The following FAT1 variants were observed in gnomAD, a reference collection of about 807,000 sequenced individuals.
FAT1 encodes the protein FAT atypical cadherin 1.
A neutral mutation model predicts 329.8 loss-of-function variants in FAT1; 171 were observed. That is an observed-to-expected ratio of 0.52 (90% CI 0.46 to 0.59). The LOEUF (loss-of-function observed/expected upper bound fraction) is 0.59, where lower values mean the gene tolerates loss of function less well. Among genes scored for constraint, FAT1 ranks in the 20% least tolerant of loss-of-function variants. The pLI is 0.00. For synonymous variants in FAT1, 2,233 were observed against 2,228.6 expected (o/e 1.00, Z -0.06); for missense variants, 5,672 against 5,774.4 (o/e 0.98, Z 0.57).
Position 186,619,500 on chromosome 4 carries a change from T to A in FAT1, c.7086A>T (p.Ala2362=), listed in dbSNP as rs3796647. Residue 2362 remains alanine, a synonymous_variant, in exon 10 of 27, where the codon GCA becomes GCT. Coordinates refer to ENST00000441802, the MANE Select transcript of FAT1 (RefSeq NM_005245.4). The part of the protein sequence containing the change: ...QSRQHTIFVR[A]VDGGMPTLSS... ...TCAGCGTGGGCATACCACCATCAAC[T>A]GCCCTCACAAAAATCGTGTGCTGCC... 0.042 allele frequency: 67,550 copies of A among 1,613,936 alleles called. 3,116 individuals carry two copies. Among genetic ancestry groups the A allele is most frequent in the Admixed American group, 0.2 (12,028 of 60,006 alleles).
rs1351156198 is a variant in FAT1 at position 186,663,517 on chromosome 4, G to A, written c.3362C>T (p.Ser1121Leu). The A allele has an allele frequency of 3.7e-6, 6 of 1,613,874 alleles. No individual in the cohort carries two copies. The highest frequency in any genetic ancestry group is 4.2e-6 in the Non-Finnish European group (5 of 1,179,880). ...AACCTCTATGTAGATCTCTATGAAC[G>A]ATGAAAGAGGCACGACACCCTGATC... The part of the protein sequence containing the change: ...ATDQGVVPLS[S>L]FIEIYIEVED... The change falls in exon 3 of 27, where the codon TCG (serine) becomes TTG (leucine). Residue 1121 changes from serine (S) to leucine (L), a missense_variant. Physicochemically the swap from Ser to Leu is moderately radical, Grantham distance 145. This residue lies in a region of FAT1 where 3,966 missense variants were observed against 3,915.2 expected (regional missense o/e 1.01). Coordinates refer to ENST00000441802, the MANE Select transcript of FAT1 (RefSeq NM_005245.4).
chr4:186,603,594 C>G lies in FAT1; in HGVS notation c.10932G>C (p.Ala3644=). The G allele has an allele frequency of 6.2e-7, 1 of 1,613,990 alleles. No homozygotes were observed. Among genetic ancestry groups the G allele is most frequent in the South Asian group, 1.1e-5 (1 of 91,082 alleles). The part of the protein sequence containing the change: ...VTQEMLNHTI[A]IRFANLTPEE... ...CCGGAGTGAGGTTGGCAAAGCGGAT[C>G]GCGATGGTGTGGTTCAACATCTCCT... The change falls in exon 19 of 27, where the codon GCG becomes GCC. Residue 3644 remains alanine (A), a synonymous_variant. Transcript: ENST00000441802.
chr4:186,636,207 T>C lies in FAT1; in HGVS notation c.4001A>G (p.Gln1334Arg), dbSNP rs957246178. Reference sequence around the variant, plus strand: ...ATGGAGTCTGGTGGTTGATGACTTTTGAGGGCGACCATTGTCAACTGCCTT... The same window carrying C: ...ATGGAGTCTGGTGGTTGATGACTTTCGAGGGCGACCATTGTCAACTGCCTT... ...SIKAVDNGRPQKSSTTRLHIE... is the reference protein window; with the variant it reads ...SIKAVDNGRPRKSSTTRLHIE... Residue 1334 changes from glutamine to arginine, a missense_variant, in exon 6 of 27, where the codon CAA (glutamine) becomes CGA (arginine). Transcript: ENST00000441802. 6.2e-7 allele frequency: 1 copy of C among 1,613,946 alleles called. No individual in the cohort carries two copies. Among genetic ancestry groups the C allele is most frequent in the African/African-American group, 1.3e-5 (1 of 74,940 alleles).
chr4:186,614,323 G>A lies in FAT1; in HGVS notation c.9097C>T (p.Pro3033Ser). 6.4e-7 allele frequency: 1 copy of A among 1,569,454 alleles called. No homozygotes were observed. Reference sequence around the variant, plus strand: ...AATTTTCCAGGAAGGACGTCTTCAGGAATAGTGTCTGAATATAAAGTCTGC... The same window carrying A: ...AATTTTCCAGGAAGGACGTCTTCAGAAATAGTGTCTGAATATAAAGTCTGC... ...CEKTLYSDTI[P>S]EDVLPGKLIM... The change falls in exon 12 of 27, where the codon CCT (proline) becomes TCT (serine). Residue 3033 changes from proline (P) to serine (S), a missense_variant. Pro to Ser is a moderately conservative substitution (Grantham distance 74, BLOSUM62 -1). This residue lies in a region of FAT1 where 3,966 missense variants were observed against 3,915.2 expected (regional missense o/e 1.01). Transcript: ENST00000441802.
chr4:186,699,393 G>C (rs757922888), intron 2 of FAT1, among the ~76,000 whole-genome samples: 5 of 152,330 alleles, frequency 3.3e-5, no homozygotes, highest in Non-Finnish European at 7.3e-5. Flanking sequence ...CGGAGGCCTA[G>C]CAATGGACCG....
At chr4:186,711,693 G>A (rs546002907) in intron 1 of FAT1, among the ~76,000 whole-genome samples, 8 of 152,210 alleles carry the variant, frequency 5.3e-5, no homozygotes, top group Admixed American at 1.3e-4. Flanking sequence ...CAATGCAGCC[G>A]GATCCCTTGA....
Position 186,588,029 on chromosome 4 carries a change from CT to C in FAT1, c.*562del. 4.6e-6 allele frequency: 1 copy of C among 217,484 alleles called. No homozygotes were observed. The highest frequency in any genetic ancestry group is 2.2e-5 in the African/African-American group (1 of 44,460). 13.5% of individuals were successfully genotyped at this position (217,484 alleles called of 1,614,324 possible). A position where few individuals can be genotyped will look rare whatever the true frequency, so the allele number is the denominator to read the frequency against. The stretch of plus-strand genomic sequence containing the variant: ...GACATGTTCATGTATCTGATCTCTC[CT>C]TCATCCTATGTACAGCTAGAAATGA... On this transcript the variant is annotated 3_prime_UTR_variant, in exon 27 of 27. Coordinates refer to ENST00000441802, the MANE Select transcript of FAT1 (RefSeq NM_005245.4).
intron 2 of FAT1, among the ~76,000 whole-genome samples, chr4:186,677,493 T>G (rs1039138124): frequency 6.7e-5 from 10 of 149,340 alleles, no homozygotes; most frequent in African/African-American, 2.5e-4. Flanking sequence ...AATTCAGGGT[T>G]TTTTTTTTTA....
chr4:186,603,048 G>A lies in FAT1; in HGVS notation c.11351-14C>T, dbSNP rs2126423482. The A allele has an allele frequency of 6.2e-7, 1 of 1,613,748 alleles. No homozygotes were observed. Among genetic ancestry groups the A allele is most frequent in the Non-Finnish European group, 8.5e-7 (1 of 1,179,778 alleles). On this transcript the variant is annotated splice_polypyrimidine_tract_variant and intron_variant, in intron 19 of 26. Transcript: ENST00000441802. ...GGCACCTTCCCTCTTCATTCAAAGA[G>A]GGGAGAAAGGGAAAAGATAATTAAC...
At chr4:186,695,786 C>CACACAA (rs1252854906) in intron 2 of FAT1, among the ~76,000 whole-genome samples, 1 of 151,630 alleles carries the variant, frequency 6.6e-6, no homozygotes, top group Non-Finnish European at 1.5e-5. Context: ...CACACACACA[C>CACACAA]ACACACACAC....
chr4:186,704,857 C>G (rs1744494334), intron 2 of FAT1, among the ~76,000 whole-genome samples: 1 of 151,982 alleles, frequency 6.6e-6, no homozygotes, highest in Non-Finnish European at 1.5e-5. Context: ...AATACATAGG[C>G]CATATGCTAG....
upstream of FAT1, among the ~76,000 whole-genome samples, chr4:186,724,067 C>T (rs1027093362): frequency 8.8e-4 from 133 of 150,894 alleles, no homozygotes; most frequent in African/African-American, 3.1e-3. This position sits in a 1 kb window ranked among gnomAD's most constrained non-coding sequence, Gnocchi z 5.3. Context: ...GGGTCTAGCG[C>T]GGCTCCGAGG....
chr4:186,654,618 TTACTC>T (rs1421111200), intron 3 of FAT1, among the ~76,000 whole-genome samples: 1 of 152,128 alleles, frequency 6.6e-6, no homozygotes. Flanking sequence ...CATGAAATTT[TTACTC>T]TACAGGTTGG....
rs1257352464 is a variant in FAT1 at position 186,588,697 on chromosome 4, T to A, written c.13662A>T (p.Glu4554Asp). Residue 4554 changes from glutamate (E) to aspartate (D), a missense_variant, in exon 27 of 27, where the codon GAA becomes GAT. Physicochemically the swap from Glu to Asp is conservative, Grantham distance 45. Coordinates refer to ENST00000441802, the MANE Select transcript of FAT1 (RefSeq NM_005245.4). ...CACTCATCATGACCTCGGACTCCAC[T>A]TCGCAGCAGGCTGACACGTCAGAGC... ...ASCSDVSACCEVESEVMMSDY... is the reference protein window; with the variant it reads ...ASCSDVSACCDVESEVMMSDY... 1 of 1,613,950 alleles carries A rather than the reference T, an allele frequency of 6.2e-7. No individual in the cohort carries two copies. The highest frequency in any genetic ancestry group is 2.2e-5 in the East Asian group (1 of 44,874).
At position 186,640,509 on chromosome 4, in the gene FAT1, T is replaced by C. The variant is rs1483670477; in HGVS notation, c.3581-726A>G. Among the ~76,000 whole-genome samples, 4 of 152,328 alleles carry C rather than the reference T, an allele frequency of 2.6e-5. No homozygotes were observed. In the South Asian group the frequency reaches 6.2e-4, roughly 24 times the overall value. On this transcript the variant is annotated intron_variant, in intron 3 of 26. Coordinates refer to ENST00000441802, the MANE Select transcript of FAT1 (RefSeq NM_005245.4). Reference sequence around the variant, plus strand: ...TCTATAACTATATTAATAAGGACTATTGAAAATAAAGTGTTAACTCTAATT... The same window carrying C: ...TCTATAACTATATTAATAAGGACTACTGAAAATAAAGTGTTAACTCTAATT...
At chr4:186,717,006 A>G (rs1256714530) in intron 1 of FAT1, among the ~76,000 whole-genome samples, 1 of 152,148 alleles carries the variant, frequency 6.6e-6, no homozygotes, top group Admixed American at 6.5e-5. Context: ...GCTGCAAGTC[A>G]TCCACCCACC....
In FAT1 at chr4:186,621,655, C is replaced by T. The variant is rs1298303430; in HGVS notation, c.4931G>A (p.Ser1644Asn). ...DLMVKATDKGSPPMSEITSVR... is the reference protein window; with the variant it reads ...DLMVKATDKGNPPMSEITSVR... ...AGAAGTTATTTCACTCATTGGTGGACTGCCCTTATCTGTAGCTTTTACCAT... is the reference window on the plus strand; with the variant it reads ...AGAAGTTATTTCACTCATTGGTGGATTGCCCTTATCTGTAGCTTTTACCAT... Residue 1644 changes from serine to asparagine, a missense_variant, in exon 10 of 27, where the codon AGT (serine) becomes AAT (asparagine). Ser to Asn is a conservative substitution (Grantham distance 46). Transcript: ENST00000441802. 6.2e-7 allele frequency: 1 copy of T among 1,613,870 alleles called. No homozygotes were observed. The highest frequency in any genetic ancestry group is 8.5e-7 in the Non-Finnish European group (1 of 1,179,892).
intron 7 of FAT1, 37 bp downstream of exon 7, chr4:186,633,647 C>T: frequency 1.2e-6 from 2 of 1,612,420 alleles, no homozygotes; most frequent in Non-Finnish European, 1.7e-6. Context: ...TTATCTCCAT[C>T]CTCCTCTGAC....
Position 186,608,044 on chromosome 4 carries a change from T to A in FAT1, c.10206+1139A>T, listed in dbSNP as rs375314426. ...AAACCACATTCATTAGCCTCTCCCATCCCTTACACGTTTATACCTCATAAC... is the reference window on the plus strand; with the variant it reads ...AAACCACATTCATTAGCCTCTCCCAACCCTTACACGTTTATACCTCATAAC... On this transcript the variant is annotated intron_variant, in intron 16 of 26. Coordinates refer to ENST00000441802, the MANE Select transcript of FAT1 (RefSeq NM_005245.4). 1.8e-4 allele frequency among the ~76,000 whole-genome samples: 28 copies of A among 152,320 alleles called. No homozygotes were observed. In the East Asian group the frequency reaches 4.8e-3, roughly 26 times the overall value.
Sources: allele counts gnomAD v4.1 joint callset (sites outside exome capture counted in the v4.1 genomes callset), GRCh38; gene constraint gnomAD v4.1.1; regional missense constraint gnomAD v4.1.1; non-coding constraint Gnocchi (gnomAD v3.1); transcripts MANE v1.5; gene names NCBI Gene and HGNC (gene_info 2026-07-23, HGNC 2026-07-21).